Variants in LSAMP observed in about 807,000 individuals in gnomAD.
The protein encoded by LSAMP is limbic system-associated membrane protein.
In LSAMP, 7 loss-of-function variants were observed where a neutral mutation model predicts 38.6. The observed-to-expected ratio is 0.18, with a 90% CI of 0.10 to 0.34. The LOEUF is 0.34. Ranked by LOEUF, LSAMP falls within the 10% of genes least tolerant of loss-of-function variation. The pLI, the probability that LSAMP is intolerant of heterozygous loss-of-function variation, is 1.00. For synonymous variants in LSAMP, 154 were observed against 166.8 expected, an observed-to-expected ratio of 0.92 and a Z score of 0.59; for missense variants, 313 against 420.0, an observed-to-expected ratio of 0.75 and a Z score of 2.23.
At chr3:115,976,592 A>T (rs2107619675) in intron 3 of LSAMP, among the ~76,000 whole-genome samples, 1 of 152,326 alleles carries the variant, frequency 6.6e-6, no homozygotes, top group South Asian at 2.1e-4. Flanking sequence ...GTCAGGATTC[A>T]TAGTGAGTGA....
intron 1 of LSAMP, among the ~76,000 whole-genome samples, chr3:116,438,975 T>C (rs1004847364): frequency 5.3e-5 from 8 of 152,158 alleles, no homozygotes; most frequent in South Asian, 2.1e-4. Flanking sequence ...TTTACTGATA[T>C]CTATTTAGTG....
intron 1 of LSAMP, among the ~76,000 whole-genome samples, chr3:116,411,184 TA>T (rs1440639500): frequency 7.2e-5 from 11 of 152,094 alleles, no homozygotes; most frequent in Non-Finnish European, 1.2e-4. Flanking sequence ...GGTGGGACTG[TA>T]AACTAGTTCA....
At chr3:116,065,081 C>T (rs1165909939) in intron 2 of LSAMP, among the ~76,000 whole-genome samples, 1 of 152,110 alleles carries the variant, frequency 6.6e-6, no homozygotes, top group Admixed American at 6.6e-5. Flanking sequence ...TAACAGTAGC[C>T]ACTTTGTCAA....
intron 1 of LSAMP, among the ~76,000 whole-genome samples, chr3:116,154,822 T>C (rs992584780): frequency 6.6e-6 from 1 of 152,146 alleles, no homozygotes; most frequent in Non-Finnish European, 1.5e-5. Flanking sequence ...AAAAAAACCT[T>C]AGAGCTTTTA....
chr3:116,085,105 T>C (rs925369533), intron 2 of LSAMP, among the ~76,000 whole-genome samples: 2 of 152,182 alleles, frequency 1.3e-5, no homozygotes, highest in Admixed American at 6.5e-5. Context: ...GGTGTCTTTC[T>C]TGTAATGGAG....
chr3:115,812,337 G>T (rs1166500980), intron 6 of LSAMP, among the ~76,000 whole-genome samples: 2 of 151,992 alleles, frequency 1.3e-5, no homozygotes, highest in East Asian at 3.9e-4. Context: ...CTACCTTCAG[G>T]TTCATGCATT....
chr3:115,881,541 T>C (rs1449046897), intron 3 of LSAMP, among the ~76,000 whole-genome samples: 1 of 152,150 alleles, frequency 6.6e-6, no homozygotes, highest in Non-Finnish European at 1.5e-5. Flanking sequence ...GCCTTCCTTG[T>C]CAATAAGAGC....
chr3:116,404,034 T>C (rs1204475083), intron 1 of LSAMP, among the ~76,000 whole-genome samples: 1 of 152,034 alleles, frequency 6.6e-6, no homozygotes, highest in East Asian at 1.9e-4. Context: ...AAAGTCAGCT[T>C]AGAATTTTTT....
intron 3 of LSAMP, among the ~76,000 whole-genome samples, chr3:115,988,204 C>T (rs1380526157): frequency 2.6e-5 from 4 of 152,116 alleles, no homozygotes; most frequent in Non-Finnish European, 5.9e-5. Context: ...TGCAAATTTT[C>T]ATTACAATGC....
At chr3:115,875,395 G>A (rs1419732303) in intron 3 of LSAMP, among the ~76,000 whole-genome samples, 2 of 151,994 alleles carry the variant, frequency 1.3e-5, no homozygotes. Flanking sequence ...TTATTTTAAC[G>A]AATGTGATGG....
chr3:116,199,375 AT>A (rs2045958602), intron 1 of LSAMP, among the ~76,000 whole-genome samples: 1 of 152,140 alleles, frequency 6.6e-6, no homozygotes, highest in Non-Finnish European at 1.5e-5. Flanking sequence ...CCTACCTTCA[AT>A]CTTACCTCTT....
Position 116,283,480 on chromosome 3 carries a change from A to G in LSAMP, c.155+161397T>C, listed in dbSNP as rs1420453866. Among the ~76,000 whole-genome samples, 5 of 152,176 alleles carry G rather than the reference A, an allele frequency of 3.3e-5. 1 individual carries two copies. ...ATATGGCTTGACAGTTTACTTTTCAATAAAGTCTAAGTTTTGTGCTTAAAG... is the reference window on the plus strand; with the variant it reads ...ATATGGCTTGACAGTTTACTTTTCAGTAAAGTCTAAGTTTTGTGCTTAAAG... On this transcript the variant is annotated intron_variant, in intron 1 of 6. Transcript: ENST00000490035.
intron 1 of LSAMP, chr3:116,369,826 A>C (rs1403057466): frequency 2.6e-5 from 4 of 152,578 alleles, no homozygotes; most frequent in Admixed American, 2.6e-4. Flanking sequence ...TGCTGTCTTT[A>C]TAAGGATGAG....
chr3:116,089,201 G>A (rs9816425), intron 1 of LSAMP, among the ~76,000 whole-genome samples: 22,562 of 152,156 alleles, frequency 0.15, 1,766 homozygotes, highest in Non-Finnish European at 0.17. Flanking sequence ...ATGCATAAAA[G>A]TGCATCTAAT....
rs549484559 is a variant in LSAMP, at chr3:116,221,047, C to T, written c.156-134491G>A. 2.8e-5 allele frequency among the ~76,000 whole-genome samples: 4 copies of T among 143,908 alleles called. No individual in the cohort carries two copies. In the East Asian group the frequency reaches 8.9e-4, roughly 32 times the overall value. 94.4% of individuals were successfully genotyped at this position (143,908 alleles called of 152,430 possible). A position where few individuals can be genotyped will look rare whatever the true frequency, so the allele number is the denominator to read the frequency against. On this transcript the variant is annotated intron_variant, in intron 1 of 6. Transcript: ENST00000490035. ...GGGCGCCTGTAGTCCCAGCTACTTGCGAGGGTGAGGCTGGAGAATGGCGTG... is the reference window on the plus strand; with the variant it reads ...GGGCGCCTGTAGTCCCAGCTACTTGTGAGGGTGAGGCTGGAGAATGGCGTG...
intron 2 of LSAMP, among the ~76,000 whole-genome samples, chr3:116,022,441 A>G (rs535244346): frequency 5.9e-5 from 9 of 152,132 alleles, no homozygotes; most frequent in Admixed American, 2.6e-4. Context: ...CTTAACCTCA[A>G]ATGAAATTAC....
chr3:116,063,513 T>C (rs1220021816), intron 2 of LSAMP, among the ~76,000 whole-genome samples: 4 of 152,162 alleles, frequency 2.6e-5, no homozygotes, highest in Non-Finnish European at 4.4e-5. Context: ...CAACGTTGCA[T>C]TGAAAACATG....
chr3:115,919,175 A>G (rs530005195), intron 3 of LSAMP, among the ~76,000 whole-genome samples: 144 of 152,238 alleles, frequency 9.5e-4, no homozygotes, highest in Non-Finnish European at 1.8e-3. Context: ...TGTCAATAGG[A>G]CATTCTAAAT....
chr3:115,865,693 C>A (rs1402382712), intron 3 of LSAMP, among the ~76,000 whole-genome samples: 1 of 152,166 alleles, frequency 6.6e-6, no homozygotes, highest in Non-Finnish European at 1.5e-5. Flanking sequence ...TGGGATGAGG[C>A]TCAGGAATCC....
Sources: gnomAD v4.1 joint callset for allele counts (sites outside exome capture counted in the v4.1 genomes callset) on GRCh38, gnomAD v4.1.1 for gene constraint, MANE v1.5 for transcripts, NCBI Gene and HGNC (gene_info 2026-07-23, HGNC 2026-07-21) for gene names.